Variants in PSPC1 observed in about 807,000 individuals in gnomAD.
The protein encoded by PSPC1 is paraspeckle protein 1.
A neutral mutation model predicts 51.6 loss-of-function variants in PSPC1; 14 were observed. The observed-to-expected ratio is 0.27, with a 90% CI of 0.18 to 0.42. PSPC1 has a LOEUF of 0.42. Among genes scored for constraint, PSPC1 ranks in the 10% least tolerant of loss-of-function variants. PSPC1 has a pLI of 1.00. For synonymous variants in PSPC1, 193 were observed against 231.9 expected, an observed-to-expected ratio of 0.83 and a Z score of 1.53; for missense variants, 406 against 701.1, an observed-to-expected ratio of 0.58 and a Z score of 4.75.
intron 6 of PSPC1, among the ~76,000 whole-genome samples, chr13:19,722,685 T>C (rs1345246073): frequency 6.6e-6 from 1 of 151,372 alleles, no homozygotes; most frequent in Admixed American, 6.6e-5. Context: ...TCCCAGCTAC[T>C]CGGGAGGGTG....
At chr13:19,727,505 C>T (rs1246996326) in intron 6 of PSPC1, among the ~76,000 whole-genome samples, 2 of 152,088 alleles carry the variant, frequency 1.3e-5, no homozygotes, top group African/African-American at 4.8e-5. Flanking sequence ...CTACATGATA[C>T]AATAACTAAA....
At chr13:19,675,534 T>G (rs1225155826) in intron 7 of PSPC1, 1 of 151,928 alleles carries the variant, frequency 6.6e-6, no homozygotes, top group Non-Finnish European at 1.5e-5. Flanking sequence ...AGTGCTATGA[T>G]TGCCCAGACA....
At chr13:19,735,260 G>A (rs747282309) in intron 5 of PSPC1, among the ~76,000 whole-genome samples, 100 of 151,770 alleles carry the variant, frequency 6.6e-4, no homozygotes, top group Non-Finnish European at 1.3e-3. Flanking sequence ...TGCAGCGACC[G>A]AGATCGCGCC....
intron 8 of PSPC1, among the ~76,000 whole-genome samples, chr13:19,704,923 C>A (rs1435268432): frequency 6.6e-6 from 1 of 152,036 alleles, no homozygotes; most frequent in Non-Finnish European, 1.5e-5. Flanking sequence ...TAATTTACAG[C>A]CAAATTCTTT....
At chr13:19,739,784 T>C (rs4769900) in intron 5 of PSPC1, among the ~76,000 whole-genome samples, 120,028 of 151,256 alleles carry the variant, frequency 0.79, 49,159 homozygotes, top group East Asian at 0.96. Context: ...GATTTGAACA[T>C]GTCTATATAA....
chr13:19,746,016 T>G (rs111959788), intron 4 of PSPC1, among the ~76,000 whole-genome samples: 17,022 of 149,982 alleles, frequency 0.11, 1,237 homozygotes, highest in African/African-American at 0.2. Context: ...TTTGTTTTTT[T>G]TTTTTTTTGA....
At chr13:19,696,337 T>C (rs1316849004) in intron 6 of PSPC1, among the ~76,000 whole-genome samples, 1 of 152,188 alleles carries the variant, frequency 6.6e-6, no homozygotes, top group African/African-American at 2.4e-5. Context: ...CTTTCTGGGA[T>C]ATTAAAGGAC....
downstream of PSPC1, chr13:19,673,545 T>C (rs1203148909): frequency 1.6e-5 from 3 of 185,598 alleles, no homozygotes; most frequent in African/African-American, 4.8e-5. Flanking sequence ...TTCAACTAAA[T>C]TGAATCATGT....
chr13:19,771,789 T>A (rs1467154654), intron 2 of PSPC1, among the ~76,000 whole-genome samples: 2 of 151,904 alleles, frequency 1.3e-5, no homozygotes, highest in South Asian at 2.1e-4. Context: ...CCCGGCTAAT[T>A]TTTGTATTTT....
chr13:19,761,604 A>G (rs535787943), intron 2 of PSPC1, among the ~76,000 whole-genome samples: 7 of 152,348 alleles, frequency 4.6e-5, no homozygotes, highest in African/African-American at 1.7e-4. Context: ...GAGTTAGTGA[A>G]GACATTTTAA....
chr13:19,751,539 A>G, intron 3 of PSPC1, 72 bp from the exon 4 acceptor site: 1 of 1,130,960 alleles, frequency 8.8e-7, no homozygotes. Flanking sequence ...AACAACAAGC[A>G]CTTACAATGT....
intron 6 of PSPC1, among the ~76,000 whole-genome samples, chr13:19,688,403 A>AT (rs1483378783): frequency 6.6e-6 from 1 of 152,002 alleles, no homozygotes; most frequent in Non-Finnish European, 1.5e-5. Context: ...TCCAACACTT[A>AT]TTTTGTATTG....
chr13:19,685,258 C>CGGAT (rs1877735005), intron 6 of PSPC1, among the ~76,000 whole-genome samples: 1 of 152,174 alleles, frequency 6.6e-6, no homozygotes, highest in Non-Finnish European at 1.5e-5. Flanking sequence ...ACAGCATATC[C>CGGAT]GTAAGTGCCA....
At chr13:19,708,291 T>C (rs1880955204) in intron 7 of PSPC1, among the ~76,000 whole-genome samples, 1 of 152,238 alleles carries the variant, frequency 6.6e-6, no homozygotes, top group African/African-American at 2.4e-5. Flanking sequence ...ATTTTGTAAA[T>C]GGGTGTGCAT....
At chr13:19,687,536 T>G (rs1878053745) in intron 6 of PSPC1, among the ~76,000 whole-genome samples, 1 of 152,232 alleles carries the variant, frequency 6.6e-6, no homozygotes, top group African/African-American at 2.4e-5. Flanking sequence ...TTTCCTGTGC[T>G]GAACCCACTT....
At chr13:19,763,227 C>T (rs1887756275) in intron 2 of PSPC1, among the ~76,000 whole-genome samples, 1 of 152,096 alleles carries the variant, frequency 6.6e-6, no homozygotes, top group South Asian at 2.1e-4. Context: ...GCGATCACAG[C>T]TCACTGCAGC....
chr13:19,688,928 T>C (rs1878239308), intron 6 of PSPC1, among the ~76,000 whole-genome samples: 1 of 144,822 alleles, frequency 6.9e-6, no homozygotes, highest in Non-Finnish European at 1.5e-5. Flanking sequence ...AGCATTTTAA[T>C]ACATAAGTTA....
Position 19,714,570 on chromosome 13 carries a change from A to G in PSPC1, c.1159-4971T>C, listed in dbSNP as rs1212930147. 6.1e-5 allele frequency among the ~76,000 whole-genome samples: 9 copies of G among 146,400 alleles called. No individual in the cohort carries two copies. In the Admixed American group the frequency reaches 6.3e-4, roughly 10 times the overall value. On this transcript the variant is annotated intron_variant, in intron 6 of 8. Coordinates refer to ENST00000338910, the MANE Select transcript of PSPC1 (RefSeq NM_001354909.2). Reference sequence around the variant, plus strand: ...GGGTGCAATGGCGTGATCTCAACTCATGCAGCCTCTGACTCCCAGATTCAA... The same window carrying G: ...GGGTGCAATGGCGTGATCTCAACTCGTGCAGCCTCTGACTCCCAGATTCAA...
intron 6 of PSPC1, among the ~76,000 whole-genome samples, chr13:19,716,222 G>A (rs1882073541): frequency 6.6e-6 from 1 of 152,028 alleles, no homozygotes; most frequent in South Asian, 2.1e-4. Flanking sequence ...TTTTAGATAA[G>A]GGATACTCAA....
Sources: allele counts gnomAD v4.1 joint callset (sites outside exome capture counted in the v4.1 genomes callset), GRCh38; gene constraint gnomAD v4.1.1; transcripts MANE v1.5; gene names NCBI Gene and HGNC (gene_info 2026-07-23, HGNC 2026-07-21).